The following PAPPA variants were observed in gnomAD, a reference collection of about 807,000 sequenced individuals.
PAPPA encodes pappalysin 1.
PAPPA carries 60 observed loss-of-function variants against 164.0 expected under a neutral mutation model. The ratio of observed to expected loss-of-function variants is 0.37; its 90% CI spans 0.30 to 0.45. PAPPA has a LOEUF of 0.45. PAPPA is among the 20% of genes least tolerant of loss of function. The pLI, the probability that PAPPA is intolerant of heterozygous loss-of-function variation, is 1.00. For missense variants in PAPPA, 1,782 were observed against 2,087.3 expected (o/e 0.85, Z 2.85); for synonymous variants, 875 against 814.1 (o/e 1.07, Z -1.27).
At chr9:116,298,487 G>A (rs1845537842) in intron 9 of PAPPA, among the ~76,000 whole-genome samples, 1 of 152,192 alleles carries the variant, frequency 6.6e-6, no homozygotes, top group South Asian at 2.1e-4. Context: ...CTGATATGAG[G>A]GGAAGATGGC....
intron 8 of PAPPA, among the ~76,000 whole-genome samples, chr9:116,266,707 CA>C (rs1018000078): frequency 1.1e-4 from 17 of 152,106 alleles, no homozygotes; most frequent in African/African-American, 3.9e-4. Flanking sequence ...AAGACTTTTG[CA>C]TTGTTTAAAA....
intron 19 of PAPPA, among the ~76,000 whole-genome samples, chr9:116,374,898 T>G (rs2118676075): frequency 6.6e-6 from 1 of 152,358 alleles, no homozygotes; most frequent in South Asian, 2.1e-4. Context: ...GAACGTAGCT[T>G]AATTGAAAGA....
At chr9:116,376,310 C>G (rs548643488) in intron 19 of PAPPA, among the ~76,000 whole-genome samples, 2 of 152,172 alleles carry the variant, frequency 1.3e-5, no homozygotes, top group Non-Finnish European at 2.9e-5. Context: ...TGAGCCACCA[C>G]GCCTGGCCAA....
chr9:116,380,475 A>T (rs1846716443), intron 20 of PAPPA, among the ~76,000 whole-genome samples: 1 of 152,196 alleles, frequency 6.6e-6, no homozygotes, highest in African/African-American at 2.4e-5. Flanking sequence ...TTATCAAGCC[A>T]GTTCCTTTTA....
chr9:116,200,914 A>C (rs1844164840), intron 2 of PAPPA, among the ~76,000 whole-genome samples: 1 of 152,216 alleles, frequency 6.6e-6, no homozygotes, highest in African/African-American at 2.4e-5. Context: ...CAATAACTAA[A>C]TAAAGGAATG....
At chr9:116,283,276 G>A (rs1845288945) in intron 9 of PAPPA, among the ~76,000 whole-genome samples, 2 of 152,182 alleles carry the variant, frequency 1.3e-5, no homozygotes, top group African/African-American at 2.4e-5. Context: ...GAAGGGATTG[G>A]CATTAGAGGT....
At chr9:116,220,184 G>T in intron 5 of PAPPA, 55 bp downstream of exon 5, 3 of 1,381,850 alleles carry the variant, frequency 2.2e-6, no homozygotes, top group Non-Finnish European at 2.0e-6. Context: ...CCAAGAAGAA[G>T]GAAACTTGGA....
chr9:116,155,030 T>C (rs1445026218), intron 1 of PAPPA, among the ~76,000 whole-genome samples: 1 of 152,204 alleles, frequency 6.6e-6, no homozygotes, highest in African/African-American at 2.4e-5. Context: ...TTAGGCCCCA[T>C]TCCCCTGAAA....
intron 1 of PAPPA, among the ~76,000 whole-genome samples, chr9:116,169,121 T>C (rs1843746320): frequency 6.6e-6 from 1 of 151,990 alleles, no homozygotes. Context: ...GGCAGACACA[T>C]TGTGAGTGGC....
intron 10 of PAPPA, among the ~76,000 whole-genome samples, chr9:116,328,825 T>G (rs1845953086): frequency 6.6e-6 from 1 of 152,152 alleles, no homozygotes; most frequent in Non-Finnish European, 1.5e-5. Context: ...AACCCAACAT[T>G]CGGATGTGCA....
chr9:116,332,423 A>C lies in PAPPA; in HGVS notation c.3352A>C (p.Ile1118Leu), dbSNP rs1460610385. The change falls in exon 12 of 22, where the codon ATC (isoleucine) becomes CTC (leucine). Residue 1118 changes from isoleucine to leucine, a missense_variant. By Grantham distance (5) the Ile-to-Leu change is conservative. Transcript: ENST00000328252. ...TYYGDQKQET[I>L]SVQLLDTKDQ... ...TTATGGGGACCAAAAGCAGGAGACC[A>C]TCAGCGTGCAGCTGCTTGATACCAA... 1.2e-6 allele frequency: 2 copies of C among 1,613,982 alleles called. No individual in the cohort carries two copies. The highest frequency in any genetic ancestry group is 3.3e-5 in the Admixed American group (2 of 60,008).
At chr9:116,292,941 G>A (rs988986422) in intron 9 of PAPPA, among the ~76,000 whole-genome samples, 5 of 152,190 alleles carry the variant, frequency 3.3e-5, no homozygotes, top group African/African-American at 1.2e-4. Flanking sequence ...TGTCATGGAA[G>A]TCAAGAGAGG....
rs150443879 is a variant in PAPPA, at chr9:116,303,863, A to G, written c.3147+913A>G. Among the ~76,000 whole-genome samples, 14 of 152,344 alleles carry G rather than the reference A, an allele frequency of 9.2e-5. No homozygotes were observed. In the East Asian group the frequency reaches 2.5e-3, roughly 27 times the overall value. ...GAAGAATCACTGGGTGAGGTACAGA[A>G]TAGGACTACCTCATTTTTAGTTGTT... On this transcript the variant is annotated intron_variant, in intron 10 of 21. Transcript: ENST00000328252.
At chr9:116,302,622 G>A in intron 9 of PAPPA, 135 bp from the exon 10 acceptor site, 3 of 610,774 alleles carry the variant, frequency 4.9e-6, no homozygotes, top group South Asian at 4.7e-5. Flanking sequence ...CTGAGTAATA[G>A]TCCATCGTGA....
At chr9:116,217,267 C>A (rs940369624) in intron 4 of PAPPA, among the ~76,000 whole-genome samples, 5 of 152,088 alleles carry the variant, frequency 3.3e-5, no homozygotes, top group Non-Finnish European at 5.9e-5. Context: ...GCTTTTTGTG[C>A]CCTTGCTCAT....
intron 9 of PAPPA, among the ~76,000 whole-genome samples, chr9:116,294,410 A>G (rs77504233): frequency 0.011 from 1,745 of 152,132 alleles, 24 homozygotes; most frequent in African/African-American, 0.038. Context: ...TGTCTTTTGT[A>G]CTCTGGGCAG....
chr9:116,393,147 C>CTGAT (rs1300553564), intron 21 of PAPPA, among the ~76,000 whole-genome samples: 1 of 152,126 alleles, frequency 6.6e-6, no homozygotes, highest in African/African-American at 2.4e-5. Flanking sequence ...TTTGGAGAAG[C>CTGAT]TGATTGAACT....
At chr9:116,165,228 A>G (rs1049324673) in intron 1 of PAPPA, among the ~76,000 whole-genome samples, 3 of 152,182 alleles carry the variant, frequency 2.0e-5, no homozygotes, top group Non-Finnish European at 1.5e-5. Context: ...CCTTTCCCAT[A>G]GATTAATTAC....
chr9:116,215,272 T>C (rs1290358590), intron 4 of PAPPA, among the ~76,000 whole-genome samples: 3 of 152,152 alleles, frequency 2.0e-5, no homozygotes, highest in Non-Finnish European at 2.9e-5. Context: ...ATTAATACCA[T>C]TGATGATAAG....
Sources: allele counts gnomAD v4.1 joint callset (sites outside exome capture counted in the v4.1 genomes callset), GRCh38; gene constraint gnomAD v4.1.1; transcripts MANE v1.5; gene names NCBI Gene and HGNC (gene_info 2026-07-23, HGNC 2026-07-21).